TRAPPC9: variants seen among roughly 807,000 people sequenced by gnomAD.
The protein encoded by TRAPPC9 is trafficking protein particle complex subunit 9.
Under a neutral mutation model 124.0 loss-of-function variants are expected in TRAPPC9, and 83 were observed. That is an observed-to-expected ratio of 0.67 (90% CI 0.56 to 0.80). The LOEUF is 0.80. Ranked by LOEUF, TRAPPC9 falls within the 30% of genes least tolerant of loss-of-function variation. The pLI, the probability that TRAPPC9 is intolerant of heterozygous loss-of-function variation, is 0.00. For missense variants in TRAPPC9, 1,302 were observed against 1,508.3 expected, an observed-to-expected ratio of 0.86 and a Z score of 2.27; for synonymous variants, 638 against 617.5, an observed-to-expected ratio of 1.03 and a Z score of -0.49.
chr8:139,929,919 C>T (rs184905213), intron 19 of TRAPPC9, among the ~76,000 whole-genome samples: 6 of 152,354 alleles, frequency 3.9e-5, no homozygotes, highest in Admixed American at 1.3e-4. Flanking sequence ...CTTCCATGTC[C>T]TGTAAAATGG....
intron 17 of TRAPPC9, among the ~76,000 whole-genome samples, chr8:140,111,065 C>T (rs1050761192): frequency 2.0e-5 from 3 of 148,788 alleles, no homozygotes; most frequent in Non-Finnish European, 4.5e-5. Context: ...CAGGCTGCTT[C>T]CCATGCCTCC....
In TRAPPC9 at chr8:139,745,221, C is replaced by A. The variant is rs779744218; in HGVS notation, c.3056-13019G>T. 4.3e-4 allele frequency among the ~76,000 whole-genome samples: 65 copies of A among 152,208 alleles called. 1 individual carries two copies. Among genetic ancestry groups the A allele is most frequent in the Non-Finnish European group, 8.1e-4 (55 of 68,034 alleles). On this transcript the variant is annotated intron_variant, in intron 21 of 22. Coordinates refer to ENST00000438773, the MANE Select transcript of TRAPPC9 (RefSeq NM_001160372.4). ...CAGGCCAGGATCCTCGGGTCGAAGG[C>A]TTTATGGCTTGGATGTGAGATGATG...
At chr8:140,132,284 TTA>T (rs1230162148) in intron 17 of TRAPPC9, among the ~76,000 whole-genome samples, 1 of 152,214 alleles carries the variant, frequency 6.6e-6, no homozygotes, top group African/African-American at 2.4e-5. Context: ...TAAGAAGTGT[TTA>T]TACTCAGAAG....
chr8:139,883,871 T>C (rs951847075), intron 21 of TRAPPC9, among the ~76,000 whole-genome samples: 2 of 152,126 alleles, frequency 1.3e-5, no homozygotes, highest in African/African-American at 4.8e-5. Context: ...TGAGCCTTAG[T>C]CTCCCTGTTT....
intron 21 of TRAPPC9, among the ~76,000 whole-genome samples, chr8:139,852,157 C>T (rs184767465): frequency 2.0e-5 from 3 of 152,310 alleles, no homozygotes; most frequent in African/African-American, 7.2e-5. Context: ...TGCTGCCTTC[C>T]ACAGATGATG....
chr8:140,417,950 C>T (rs1033642996), intron 5 of TRAPPC9, among the ~76,000 whole-genome samples: 5 of 152,178 alleles, frequency 3.3e-5, no homozygotes, highest in Non-Finnish European at 7.3e-5. Flanking sequence ...TCTCAGCAAA[C>T]TAACACAGGA....
At chr8:140,162,494 T>G (rs2130897407) in intron 17 of TRAPPC9, among the ~76,000 whole-genome samples, 1 of 152,336 alleles carries the variant, frequency 6.6e-6, no homozygotes, top group South Asian at 2.1e-4. Flanking sequence ...CTAAGTCCAG[T>G]GCTTAATACA....
chr8:140,369,098 A>C (rs908712891), intron 8 of TRAPPC9, among the ~76,000 whole-genome samples: 3 of 152,162 alleles, frequency 2.0e-5, no homozygotes, highest in Admixed American at 6.5e-5. Context: ...AATATTTACT[A>C]TCTGGCCCTT....
At chr8:139,800,445 C>T (rs952784767) in intron 21 of TRAPPC9, among the ~76,000 whole-genome samples, 5 of 152,190 alleles carry the variant, frequency 3.3e-5, no homozygotes, top group Non-Finnish European at 5.9e-5. Context: ...CTGGTGGGTC[C>T]GTGCAGAGGC....
chr8:139,816,833 C>T (rs1824871145), intron 21 of TRAPPC9, among the ~76,000 whole-genome samples: 1 of 152,136 alleles, frequency 6.6e-6, no homozygotes. Context: ...CCACCTCCTT[C>T]CATCAGCTGC....
intron 21 of TRAPPC9, among the ~76,000 whole-genome samples, chr8:139,746,682 G>A (rs1466034010): frequency 2.0e-5 from 3 of 152,208 alleles, no homozygotes; most frequent in African/African-American, 7.2e-5. Context: ...GATGTGTTAG[G>A]TCCCTGGAAT....
At chr8:139,926,898 A>G (rs1424549365) in intron 19 of TRAPPC9, among the ~76,000 whole-genome samples, 4 of 152,236 alleles carry the variant, frequency 2.6e-5, no homozygotes, top group Non-Finnish European at 5.9e-5. Flanking sequence ...GGAAAAAAAA[A>G]TCACAACACA....
intron 21 of TRAPPC9, among the ~76,000 whole-genome samples, chr8:139,767,211 G>T (rs1016490621): frequency 6.6e-6 from 1 of 152,186 alleles, no homozygotes; most frequent in African/African-American, 2.4e-5. Context: ...TCTGAGAGGC[G>T]TAGGGACTAG....
chr8:140,376,766 C>T (rs1007773551), intron 7 of TRAPPC9, among the ~76,000 whole-genome samples: 1 of 150,934 alleles, frequency 6.6e-6, no homozygotes, highest in African/African-American at 2.4e-5. Context: ...GTCCCAGCTA[C>T]TCAGGAGGCT....
At chr8:139,992,705 G>A (rs958183209) in intron 18 of TRAPPC9, among the ~76,000 whole-genome samples, 3 of 150,108 alleles carry the variant, frequency 2.0e-5, no homozygotes, top group Non-Finnish European at 4.4e-5. Context: ...AGGCACTTGG[G>A]GCAGTGACAG....
chr8:140,282,302 A>T (rs1423913998), intron 14 of TRAPPC9, among the ~76,000 whole-genome samples: 8 of 152,144 alleles, frequency 5.3e-5, no homozygotes. Flanking sequence ...CAGGAGTTTG[A>T]GACCAGCCTG....
At chr8:139,926,293 A>T (rs1299569261) in intron 19 of TRAPPC9, among the ~76,000 whole-genome samples, 1 of 152,144 alleles carries the variant, frequency 6.6e-6, no homozygotes, top group Non-Finnish European at 1.5e-5. Context: ...GACAAGACAA[A>T]TCATCACTAT....
intron 21 of TRAPPC9, among the ~76,000 whole-genome samples, chr8:139,852,877 G>A (rs1211094240): frequency 2.6e-5 from 4 of 152,126 alleles, no homozygotes; most frequent in Admixed American, 6.5e-5. Context: ...GGCAGCCCCT[G>A]GGGAGAGGAA....
intron 9 of TRAPPC9, among the ~76,000 whole-genome samples, chr8:140,318,816 T>C (rs1437643848): frequency 6.6e-6 from 1 of 152,250 alleles, no homozygotes. Flanking sequence ...CTTGGAGAAC[T>C]GAAATTATTT....
Sources: allele counts gnomAD v4.1 joint callset (sites outside exome capture counted in the v4.1 genomes callset), GRCh38; gene constraint gnomAD v4.1.1; transcripts MANE v1.5; gene names NCBI Gene and HGNC (gene_info 2026-07-23, HGNC 2026-07-21).